Variants in POLQ observed in about 807,000 individuals in gnomAD.
POLQ encodes the protein DNA polymerase theta.
Under a neutral mutation model 259.2 loss-of-function variants are expected in POLQ, and 233 were observed. The observed-to-expected ratio is 0.90, with a 90% CI of 0.81 to 1.00. The LOEUF is 1.00. Ranked by LOEUF, POLQ falls within the 50% of genes least tolerant of loss-of-function variation. The pLI is 0.00. For synonymous variants in POLQ, 1,025 were observed against 1,048.8 expected (o/e 0.98, Z 0.44); for missense variants, 2,871 against 3,051.6 (o/e 0.94, Z 1.39).
At chr3:121,496,074 A>C (rs1346995742) in intron 14 of POLQ, among the ~76,000 whole-genome samples, 2 of 151,982 alleles carry the variant, frequency 1.3e-5, no homozygotes, top group Non-Finnish European at 2.9e-5. Context: ...TAATACATTA[A>C]GGCAGACCAG....
Position 121,454,701 on chromosome 3 carries a change from T to C in POLQ, c.7153-5275A>G, listed in dbSNP as rs569503598. Among the ~76,000 whole-genome samples, 479 of 152,204 alleles carry C rather than the reference T, an allele frequency of 3.1e-3. 8 individuals carry two copies. The highest frequency in any genetic ancestry group is 0.011 in the African/African-American group (455 of 41,524). ...GAGCTAACTATCCTAAACATATATG[T>C]ACCCAATACAGGAGCACCCAGATTC... On this transcript the variant is annotated intron_variant, in intron 25 of 29. Coordinates refer to ENST00000264233, the MANE Select transcript of POLQ (RefSeq NM_199420.4).
intron 2 of POLQ, among the ~76,000 whole-genome samples, 173 bp from the exon 3 acceptor site, chr3:121,541,652 C>G (rs867724735): frequency 2.6e-5 from 4 of 152,210 alleles, no homozygotes; most frequent in African/African-American, 9.6e-5. Context: ...TTTAAACCAC[C>G]TGTCTTAATA....
intron 9 of POLQ, among the ~76,000 whole-genome samples, chr3:121,512,622 G>C (rs894946395): frequency 2.0e-5 from 3 of 152,042 alleles, no homozygotes; most frequent in African/African-American, 4.8e-5. Context: ...TTCTATAAAG[G>C]CTTCCATGTA....
At chr3:121,461,399 T>A (rs2047790082) in intron 24 of POLQ, among the ~76,000 whole-genome samples, 1 of 152,158 alleles carries the variant, frequency 6.6e-6, no homozygotes, top group Admixed American at 6.5e-5. Flanking sequence ...ATGCCTGTAA[T>A]CCTAGCACTT....
At position 121,488,692 on chromosome 3, in the gene POLQ, TTCTGGAG is replaced by T; in HGVS notation, c.4232_4238del (p.Thr1411LysfsTer18). On this transcript the variant is annotated frameshift_variant, in exon 16 of 30. Coordinates refer to ENST00000264233, the MANE Select transcript of POLQ (RefSeq NM_199420.4). LOFTEE classifies it high-confidence loss of function. ...GTATTGGAGAATGGAAAATCGGGCT[TTCTGGAG>T]TCAGGATATCAACCCCATGTGAATC... is the stretch of plus-strand genomic sequence containing the variant. 3 of 1,613,330 alleles carry T rather than the reference TTCTGGAG, an allele frequency of 1.9e-6. No individual in the cohort carries two copies. The highest frequency in any genetic ancestry group is 2.5e-6 in the Non-Finnish European group (3 of 1,179,832).
intron 6 of POLQ, among the ~76,000 whole-genome samples, chr3:121,531,663 A>T (rs1413940445): frequency 6.6e-6 from 1 of 152,234 alleles, no homozygotes; most frequent in East Asian, 1.9e-4. Context: ...CAAGGTCAGA[A>T]GCAGAGAGAA....
rs968065473 is a variant in POLQ, at chr3:121,511,043, C to T, written c.1612-800G>A. Reference sequence around the variant, plus strand: ...GAGATCGAAACCTTCCTGGCTAACACGGTGAAACCCCATCTCTACTGAAAA... The same window carrying T: ...GAGATCGAAACCTTCCTGGCTAACATGGTGAAACCCCATCTCTACTGAAAA... On this transcript the variant is annotated intron_variant, in intron 10 of 29. Transcript: ENST00000264233. Among the ~76,000 whole-genome samples, 13 of 152,000 alleles carry T rather than the reference C, an allele frequency of 8.6e-5. No homozygotes were observed. The South Asian group carries it at 1.9e-3, about 22-fold the overall frequency.
intron 8 of POLQ, chr3:121,521,619 G>A (rs1410125652): frequency 6.5e-6 from 1 of 154,190 alleles, no homozygotes; most frequent in Non-Finnish European, 1.4e-5. Context: ...ACCCAGGTTG[G>A]AGTACAGTGG....
intron 18 of POLQ, among the ~76,000 whole-genome samples, chr3:121,482,526 A>AC (rs199996842): frequency 0.012 from 1,811 of 151,838 alleles, 14 homozygotes; most frequent in South Asian, 0.023. Context: ...GTCTCAAAAA[A>AC]AAAAAAAAGT....
chr3:121,450,122 T>A (rs2047662316), intron 25 of POLQ, among the ~76,000 whole-genome samples: 1 of 152,188 alleles, frequency 6.6e-6, no homozygotes, highest in South Asian at 2.1e-4. Flanking sequence ...GTATCTTAAT[T>A]TCTTCATCTA....
chr3:121,460,576 T>C (rs2047783729), intron 24 of POLQ, among the ~76,000 whole-genome samples: 1 of 152,182 alleles, frequency 6.6e-6, no homozygotes, highest in Non-Finnish European at 1.5e-5. Context: ...TACTTAAGAA[T>C]AGGAAGCTTA....
Position 121,545,818 on chromosome 3 carries a change from G to T in POLQ, c.60C>A (p.Phe20Leu). ...RRRSESGSDSFSGSGGDSSAS... is the reference protein window; with the variant it reads ...RRRSESGSDSLSGSGGDSSAS... Reference sequence around the variant, plus strand: ...CACTGCTGTCACCGCCGCTTCCCGAGAACGAATCTGAGCCTGATTCTGAAC... The same window carrying T: ...CACTGCTGTCACCGCCGCTTCCCGATAACGAATCTGAGCCTGATTCTGAAC... Residue 20 changes from phenylalanine (F) to leucine (L), a missense_variant, in exon 1 of 30, where the codon TTC (phenylalanine) becomes TTA (leucine). By Grantham distance (22) the Phe-to-Leu change is conservative (BLOSUM62 0). Coordinates refer to ENST00000264233, the MANE Select transcript of POLQ (RefSeq NM_199420.4). The T allele has an allele frequency of 6.2e-7, 1 of 1,613,814 alleles. No individual in the cohort carries two copies. Among genetic ancestry groups the T allele is most frequent in the Non-Finnish European group, 8.5e-7 (1 of 1,179,924 alleles).
chr3:121,467,644 T>C lies in POLQ; in HGVS notation c.6846-4A>G. ...GAAACCCTTCTTATATTTTCCTCTG[T>C]GGTGCAAACAACATCATCAGTTAGA... On this transcript the variant is annotated splice_polypyrimidine_tract_variant and splice_region_variant and intron_variant, in intron 23 of 29. Coordinates refer to ENST00000264233, the MANE Select transcript of POLQ (RefSeq NM_199420.4). 6.2e-7 allele frequency: 1 copy of C among 1,613,454 alleles called. No homozygotes were observed. The highest frequency in any genetic ancestry group is 8.5e-7 in the Non-Finnish European group (1 of 1,179,598).
chr3:121,459,152 T>A (rs2047768599), intron 25 of POLQ, among the ~76,000 whole-genome samples: 1 of 152,108 alleles, frequency 6.6e-6, no homozygotes, highest in African/African-American at 2.4e-5. Flanking sequence ...CATTTCAAAG[T>A]TACAAAGGCA....
In POLQ at chr3:121,539,557, G is replaced by T; in HGVS notation, c.507C>A (p.Asp169Glu). ...SLFQEVGIKVDGYMGSTSPSR... is the reference protein window; with the variant it reads ...SLFQEVGIKVEGYMGSTSPSR... ...ATGGAGAGGTGCTGCCCATATAACCGTCTACTTTTATTCCTACTTCCTGAA... is the reference window on the plus strand; with the variant it reads ...ATGGAGAGGTGCTGCCCATATAACCTTCTACTTTTATTCCTACTTCCTGAA... Residue 169 changes from aspartate to glutamate, a missense_variant, in exon 4 of 30, where the codon GAC becomes GAA. Around this residue, in one of 3 missense-constraint regions of POLQ, gnomAD observed 783 missense variants for 906.2 expected, o/e 0.86. Coordinates refer to ENST00000264233, the MANE Select transcript of POLQ (RefSeq NM_199420.4). 2 of 1,612,220 alleles carry T rather than the reference G, an allele frequency of 1.2e-6. No homozygotes were observed. Among genetic ancestry groups the T allele is most frequent in the African/African-American group, 1.3e-5 (1 of 74,994 alleles).
intron 15 of POLQ, among the ~76,000 whole-genome samples, chr3:121,492,929 T>C (rs1356525996): frequency 6.6e-6 from 1 of 151,496 alleles, no homozygotes; most frequent in African/African-American, 2.4e-5. Context: ...CAGGAGTGAG[T>C]CACTGTGCCC....
chr3:121,535,389 A>G (rs2048442697), intron 5 of POLQ, among the ~76,000 whole-genome samples: 1 of 152,162 alleles, frequency 6.6e-6, no homozygotes, highest in Admixed American at 6.6e-5. Context: ...AAGGAAAAGT[A>G]TTTCTAATCT....
chr3:121,511,000 G>T (rs763510797), intron 10 of POLQ, among the ~76,000 whole-genome samples: 1 of 152,212 alleles, frequency 6.6e-6, no homozygotes, highest in Non-Finnish European at 1.5e-5. Context: ...GGCCGAGGCA[G>T]GCGGATCACG....
chr3:121,494,262 C>T, intron 14 of POLQ: 1 of 1,592,736 alleles, frequency 6.3e-7, no homozygotes, highest in Non-Finnish European at 8.5e-7. Context: ...AGAGACCTCA[C>T]CCGCTTTGTG....
Sources: gnomAD v4.1 joint callset for allele counts (sites outside exome capture counted in the v4.1 genomes callset) on GRCh38, gnomAD v4.1.1 for gene constraint, gnomAD v4.1.1 regional missense constraint, MANE v1.5 for transcripts, NCBI Gene and HGNC (gene_info 2026-07-23, HGNC 2026-07-21) for gene names.